CUL2: variants seen among roughly 807,000 people sequenced by gnomAD.
The protein encoded by CUL2 is cullin-2.
CUL2 carries 22 observed loss-of-function variants against 110.2 expected under a neutral mutation model. That is an observed-to-expected ratio of 0.20 (90% CI 0.14 to 0.28). The LOEUF is 0.28. CUL2 is among the 10% of genes least tolerant of loss of function. CUL2 has a pLI of 1.00. For missense variants in CUL2, 631 were observed against 905.5 expected, an observed-to-expected ratio of 0.70 and a Z score of 3.89; for synonymous variants, 279 against 293.2, an observed-to-expected ratio of 0.95 and a Z score of 0.49.
rs140066280 is a variant in CUL2 at position 35,016,419 on chromosome 10, G to A, written c.1685-25C>T. The A allele has an allele frequency of 2.7e-6, 4 of 1,506,972 alleles. No homozygotes were observed. The African/African-American group carries it at 4.1e-5, about 15-fold the overall frequency. The allele number at this position is 1,506,972 out of a possible 1,614,324, so 93.4% of individuals were successfully genotyped here. The stretch of plus-strand genomic sequence containing the variant: ...CCTACAATTAAAACAAAAACTGACA[G>A]TGAATTGACCATTCAAAGAAACATT... On this transcript the variant is annotated intron_variant, in intron 17 of 20. Transcript: ENST00000374749.
intron 1 of CUL2, among the ~76,000 whole-genome samples, chr10:35,105,707 C>CAA (rs200442371): frequency 2.8e-5 from 3 of 106,396 alleles, no homozygotes; most frequent in Non-Finnish European, 3.9e-5. Context: ...GACTCTGTCT[C>CAA]AAAAAAAAAA....
intron 6 of CUL2, among the ~76,000 whole-genome samples, chr10:35,047,401 G>A (rs1458714333): frequency 1.3e-5 from 2 of 151,798 alleles, no homozygotes; most frequent in Admixed American, 6.6e-5. Flanking sequence ...ACGAGGTCAG[G>A]AGATAGAGAC....
At chr10:35,019,785 T>C (rs550209962) in intron 17 of CUL2, among the ~76,000 whole-genome samples, 3 of 152,306 alleles carry the variant, frequency 2.0e-5, no homozygotes, top group South Asian at 2.1e-4. Context: ...GAAGGCATGA[T>C]AGGATATCAC....
chr10:35,036,167 A>C (rs1185638561), intron 9 of CUL2, among the ~76,000 whole-genome samples: 1 of 152,158 alleles, frequency 6.6e-6, no homozygotes, highest in African/African-American at 2.4e-5. Context: ...CTTCTAAATC[A>C]CAGATGAGTT....
intron 1 of CUL2, among the ~76,000 whole-genome samples, chr10:35,081,606 T>C (rs545493718): frequency 1.6e-4 from 24 of 152,208 alleles, no homozygotes; most frequent in African/African-American, 5.8e-4. Flanking sequence ...TGAGAACAAA[T>C]TTTTTGGCTG....
At chr10:35,038,854 T>G in intron 9 of CUL2, 66 bp downstream of exon 9, 1 of 1,029,108 alleles carries the variant, frequency 9.7e-7, no homozygotes, top group Non-Finnish European at 1.4e-6. Flanking sequence ...AAATCAAGGG[T>G]GACTAGAGGA....
At chr10:35,085,739 T>TATCAATCACA (rs2087049191) in intron 1 of CUL2, among the ~76,000 whole-genome samples, 3 of 147,672 alleles carry the variant, frequency 2.0e-5, no homozygotes, top group African/African-American at 7.5e-5. Flanking sequence ...ATATGAAACA[T>TATCAATCACA]TGCTTTCAAT....
intron 20 of CUL2, among the ~76,000 whole-genome samples, chr10:35,011,561 T>A (rs1187194998): frequency 6.6e-6 from 1 of 152,098 alleles, no homozygotes; most frequent in East Asian, 1.9e-4. Context: ...GAGGTTGCAG[T>A]GAGCCAAGAT....
intron 6 of CUL2, among the ~76,000 whole-genome samples, chr10:35,047,879 T>C (rs554704382): frequency 9.0e-4 from 136 of 151,448 alleles, no homozygotes; most frequent in African/African-American, 3.0e-3. Flanking sequence ...CACTCCAGCC[T>C]AGTAGACAGA....
At chr10:35,102,013 G>A (rs1478462067) in intron 1 of CUL2, among the ~76,000 whole-genome samples, 2 of 152,182 alleles carry the variant, frequency 1.3e-5, no homozygotes, top group African/African-American at 2.4e-5. Flanking sequence ...TGCCAGGCAG[G>A]CCAATCACCT....
chr10:35,021,505 T>C (rs1235784832), intron 17 of CUL2, among the ~76,000 whole-genome samples: 3 of 150,226 alleles, frequency 2.0e-5, no homozygotes, highest in Admixed American at 2.0e-4. Context: ...AGATGATATT[T>C]CCATAATTAA....
chr10:35,043,484 AC>A (rs2085847447), intron 8 of CUL2, among the ~76,000 whole-genome samples: 4 of 152,198 alleles, frequency 2.6e-5, no homozygotes, highest in African/African-American at 9.6e-5. Flanking sequence ...GGATGACACA[AC>A]AGTGTATCGG....
At chr10:35,107,148 G>T (rs2087469560) in intron 1 of CUL2, among the ~76,000 whole-genome samples, 1 of 151,680 alleles carries the variant, frequency 6.6e-6, no homozygotes, top group African/African-American at 2.4e-5. Flanking sequence ...CTAATTTTTT[G>T]TATTTTCAGT....
chr10:35,059,866 G>A (rs549261939), intron 4 of CUL2, among the ~76,000 whole-genome samples: 1 of 152,252 alleles, frequency 6.6e-6, no homozygotes, highest in Admixed American at 6.5e-5. Flanking sequence ...GTAAAAAACA[G>A]AGATACTAAC....
chr10:35,113,343 A>G (rs1488801959), intron 1 of CUL2, among the ~76,000 whole-genome samples: 1 of 150,886 alleles, frequency 6.6e-6, no homozygotes, highest in Non-Finnish European at 1.5e-5. Flanking sequence ...TAAAAATACA[A>G]AAAAACTAGC....
At chr10:35,054,244 G>C (rs1019134532) in intron 5 of CUL2, among the ~76,000 whole-genome samples, 190 bp downstream of exon 5, 1 of 145,884 alleles carries the variant, frequency 6.9e-6, no homozygotes, top group African/African-American at 2.6e-5. Context: ...ATTATCAAAA[G>C]AGTAGTTGTC....
chr10:35,060,852 T>C (rs750142194), intron 4 of CUL2, 22 bp downstream of exon 4: 1 of 1,588,914 alleles, frequency 6.3e-7, no homozygotes. Context: ...TTAGCTTGTC[T>C]AGATTTTAAA....
At chr10:35,024,066 A>G (rs1250754256) in intron 17 of CUL2, among the ~76,000 whole-genome samples, 3 of 152,120 alleles carry the variant, frequency 2.0e-5, no homozygotes, top group African/African-American at 7.2e-5. Flanking sequence ...AACTCCTGGG[A>G]TTAAGTGACC....
At chr10:35,055,613 A>G (rs557545562) in intron 4 of CUL2, among the ~76,000 whole-genome samples, 2 of 152,276 alleles carry the variant, frequency 1.3e-5, no homozygotes, top group South Asian at 4.1e-4. Context: ...AAAGTGGTAT[A>G]CCCACAACCA....
Sources: gnomAD v4.1 joint callset for allele counts (sites outside exome capture counted in the v4.1 genomes callset) on GRCh38, gnomAD v4.1.1 for gene constraint, MANE v1.5 for transcripts, NCBI Gene and HGNC (gene_info 2026-07-23, HGNC 2026-07-21) for gene names.